The following CHLSN variants were observed in gnomAD, a reference collection of about 807,000 sequenced individuals.
The protein encoded by CHLSN is cholesin.
chr7:1,116,928 C>T, the CHLSN span, among the ~76,000 whole-genome samples: 5 of 33,836 alleles, frequency 1.5e-4, 2 homozygotes, highest in Admixed American at 5.0e-4. Context: ...GTTCTAGGAC[C>T]GGCTTCCATC....
chr7:1,049,725 C>T, the CHLSN span, among the ~76,000 whole-genome samples: 1 of 152,178 alleles, frequency 6.6e-6, no homozygotes, highest in Non-Finnish European at 1.5e-5. Context: ...AGGAATTAGA[C>T]CAGAGGTCAA....
At chr7:1,136,423 T>A in the CHLSN span, among the ~76,000 whole-genome samples, 3 of 123,204 alleles carry the variant, frequency 2.4e-5, no homozygotes, top group African/African-American at 6.9e-5. Context: ...TATATATAAA[T>A]ATATATAAAC....
the CHLSN span, chr7:1,025,674 G>T: frequency 6.6e-6 from 1 of 152,264 alleles, no homozygotes; most frequent in African/African-American, 2.4e-5. Context: ...AATGGGGCTG[G>T]TAACAGAGCT....
the CHLSN span, among the ~76,000 whole-genome samples, chr7:1,134,082 C>A: frequency 6.6e-6 from 1 of 152,054 alleles, no homozygotes; most frequent in African/African-American, 2.4e-5. Flanking sequence ...CAGGCGTGAG[C>A]CACCACACCT....
At chr7:1,004,818 G>C in the CHLSN span, among the ~76,000 whole-genome samples, 1 of 152,316 alleles carries the variant, frequency 6.6e-6, no homozygotes, top group African/African-American at 2.4e-5. Flanking sequence ...ATCCCATCTT[G>C]GAAAAGGAAA....
At chr7:1,107,133 G>A in the CHLSN span, among the ~76,000 whole-genome samples, 5,159 of 152,292 alleles carry the variant, frequency 0.034, 286 homozygotes, top group African/African-American at 0.12. Flanking sequence ...AAGCGGGGAA[G>A]GGAAAGAGCC....
At chr7:1,080,060 A>G in the CHLSN span, among the ~76,000 whole-genome samples, 3 of 152,218 alleles carry the variant, frequency 2.0e-5, no homozygotes, top group African/African-American at 7.2e-5. Flanking sequence ...CCTCCCAGGG[A>G]ATTCCAGGGC....
At chr7:1,077,192 G>A in the CHLSN span, among the ~76,000 whole-genome samples, 1 of 152,182 alleles carries the variant, frequency 6.6e-6, no homozygotes, top group Non-Finnish European at 1.5e-5. Context: ...GTCTCTCTCT[G>A]TCGCCCAGGC....
At chr7:1,090,722 T>C in the CHLSN span, among the ~76,000 whole-genome samples, 1 of 152,364 alleles carries the variant, frequency 6.6e-6, no homozygotes, top group African/African-American at 2.4e-5. Context: ...CGGGAGGGAC[T>C]CTCTCCCTGG....
chr7:1,040,183 T>TAAAAAAATA, the CHLSN span, among the ~76,000 whole-genome samples: 800 of 74,490 alleles, frequency 0.011, 16 homozygotes, highest in African/African-American at 0.035. Flanking sequence ...AAAATAAATT[T>TAAAAAAATA]AAAAAAAAAA....
At chr7:1,031,477 G>A in the CHLSN span, among the ~76,000 whole-genome samples, 1 of 80,162 alleles carries the variant, frequency 1.2e-5, no homozygotes, top group Non-Finnish European at 2.8e-5. Context: ...GGGGACCAGA[G>A]ACCTGCAGGG....
chr7:1,008,939 A>G, the CHLSN span, among the ~76,000 whole-genome samples: 1 of 148,964 alleles, frequency 6.7e-6, no homozygotes, highest in Non-Finnish European at 1.5e-5. Context: ...ATACATGCAC[A>G]CGCACACCCC....
At chr7:1,113,715 C>T in the CHLSN span, among the ~76,000 whole-genome samples, 4 of 152,214 alleles carry the variant, frequency 2.6e-5, no homozygotes, top group African/African-American at 9.7e-5. Context: ...TTAGACAGCA[C>T]TGATTTTCCG....
chr7:1,098,162 C>T, the CHLSN span, among the ~76,000 whole-genome samples: 5 of 152,158 alleles, frequency 3.3e-5, no homozygotes, highest in Non-Finnish European at 7.3e-5. Context: ...AGGGAAAAGA[C>T]GGGACTGTGC....
At chr7:1,113,085 G>A in the CHLSN span, among the ~76,000 whole-genome samples, 1 of 152,130 alleles carries the variant, frequency 6.6e-6, no homozygotes, top group Non-Finnish European at 1.5e-5. Flanking sequence ...CTATGCACCT[G>A]GAAAAACTGC....
chr7:986,705 A>T, the CHLSN span: 1 of 1,612,310 alleles, frequency 6.2e-7, no homozygotes, highest in Non-Finnish European at 8.5e-7. Flanking sequence ...GGTCCGTGCC[A>T]TTCTGAGGAC....
chr7:1,124,996 G>C, the CHLSN span, among the ~76,000 whole-genome samples: 1 of 152,220 alleles, frequency 6.6e-6, no homozygotes, highest in African/African-American at 2.4e-5. Context: ...TCGCCCGGGG[G>C]GTGGCAGTGA....
chr7:999,034 G>C, the CHLSN span, among the ~76,000 whole-genome samples: 31 of 152,278 alleles, frequency 2.0e-4, no homozygotes, highest in African/African-American at 6.5e-4. Flanking sequence ...ATGCACATTT[G>C]TGTGTTTGTA....
At chr7:1,021,256 A>T in the CHLSN span, 4 of 464,916 alleles carry the variant, frequency 8.6e-6, no homozygotes, top group Non-Finnish European at 1.1e-5. Flanking sequence ...CAGGCTGAGG[A>T]TCTCCCAGCA....
Sources: gnomAD v4.1 joint callset for allele counts (sites outside exome capture counted in the v4.1 genomes callset) on GRCh38, gnomAD v4.1.1 for gene constraint, MANE v1.5 for transcripts, NCBI Gene and HGNC (gene_info 2026-07-23, HGNC 2026-07-21) for gene names.